The following GRIK4 variants were observed in gnomAD, a reference collection of about 807,000 sequenced individuals.
The protein encoded by GRIK4 is glutamate ionotropic receptor kainate type subunit 4, also known as glutamate receptor ionotropic, kainate 4.
Under a neutral mutation model 104.9 loss-of-function variants are expected in GRIK4, and 40 were observed. The observed-to-expected ratio is 0.38, with a 90% CI of 0.30 to 0.50. GRIK4 has a LOEUF of 0.50. Among genes scored for constraint, GRIK4 ranks in the 20% least tolerant of loss-of-function variants. GRIK4 has a pLI of 0.93. For synonymous variants in GRIK4, 485 were observed against 524.9 expected (o/e 0.92, Z 1.04); for missense variants, 1,047 against 1,308.1 (o/e 0.80, Z 3.08).
chr11:120,528,235 C>T (rs1947881282), intron 1 of GRIK4, among the ~76,000 whole-genome samples: 1 of 152,166 alleles, frequency 6.6e-6, no homozygotes. Context: ...CCTCAACCTC[C>T]CAAAGTGCTG....
intron 1 of GRIK4, among the ~76,000 whole-genome samples, chr11:120,593,996 A>G (rs1297737021): frequency 2.0e-5 from 3 of 152,136 alleles, no homozygotes; most frequent in African/African-American, 7.2e-5. Flanking sequence ...CCTTCAGTCC[A>G]GGCCACCACC....
Position 120,967,261 on chromosome 11 carries a change from T to C in GRIK4, c.2333T>C (p.Ile778Thr). Residue 778 changes from isoleucine (I) to threonine (T), a missense_variant, in exon 19 of 21, where the codon ATC (isoleucine) becomes ACC (threonine). This residue lies in a region of GRIK4 where 440 missense variants were observed against 652.3 expected (regional missense o/e 0.67). Transcript: ENST00000527524. This position sits in a 1 kb window ranked among gnomAD's most constrained non-coding sequence, Gnocchi z 4.2. ...LQLQENNRLE[I>T]LKRKWWEGGK... is the part of the protein sequence containing the mutation. Reference sequence around the variant, plus strand: ...CTGCAGGAGAACAACCGCCTGGAGATCCTGAAGCGCAAATGGTGGGAAGGA... The same window carrying C: ...CTGCAGGAGAACAACCGCCTGGAGACCCTGAAGCGCAAATGGTGGGAAGGA... 1 of 1,613,700 alleles carries C rather than the reference T, an allele frequency of 6.2e-7. No homozygotes were observed.
At chr11:120,753,248 G>A (rs1272953788) in intron 3 of GRIK4, among the ~76,000 whole-genome samples, 2 of 152,106 alleles carry the variant, frequency 1.3e-5, no homozygotes, top group South Asian at 2.1e-4. Context: ...AGGCTGGGGA[G>A]CAGAGGCCAA....
intron 8 of GRIK4, chr11:120,858,332 C>T (rs1412257115): frequency 6.6e-6 from 1 of 152,150 alleles, no homozygotes; most frequent in East Asian, 1.9e-4. Context: ...AAATATCTCT[C>T]TCCGCAAAAT....
intron 3 of GRIK4, among the ~76,000 whole-genome samples, chr11:120,693,589 A>G (rs1401083355): frequency 6.6e-6 from 1 of 152,228 alleles, no homozygotes; most frequent in Admixed American, 6.5e-5. Flanking sequence ...AGTCCTGGGT[A>G]TAGAGAGGTA....
intron 3 of GRIK4, among the ~76,000 whole-genome samples, chr11:120,699,581 GTA>G (rs1242334463): frequency 1.6e-5 from 2 of 124,822 alleles, no homozygotes; most frequent in Non-Finnish European, 3.4e-5. Flanking sequence ...GTGTGTGTGT[GTA>G]CCCATATAGT....
chr11:120,954,312 A>G (rs1944082061), intron 15 of GRIK4, among the ~76,000 whole-genome samples: 1 of 152,028 alleles, frequency 6.6e-6, no homozygotes, highest in Admixed American at 6.6e-5. Context: ...CAAACGTGGC[A>G]GAGTTTGCTG....
At chr11:120,618,473 A>G (rs769273237) in intron 1 of GRIK4, among the ~76,000 whole-genome samples, 3 of 152,246 alleles carry the variant, frequency 2.0e-5, no homozygotes, top group Admixed American at 6.5e-5. Context: ...CAGGCTGTAC[A>G]AATTTGCATA....
chr11:120,719,842 CACTTCT>C, intron 3 of GRIK4, among the ~76,000 whole-genome samples: 1 of 152,162 alleles, frequency 6.6e-6, no homozygotes, highest in Non-Finnish European at 1.5e-5. Flanking sequence ...TTTGCTAAGG[CACTTCT>C]ACCGCAGAGC....
intron 8 of GRIK4, among the ~76,000 whole-genome samples, chr11:120,845,592 CA>C (rs1364821161): frequency 6.6e-6 from 1 of 151,878 alleles, no homozygotes; most frequent in Non-Finnish European, 1.5e-5. Context: ...TTCAGTTCTT[CA>C]CGGAAAATGC....
intron 4 of GRIK4, among the ~76,000 whole-genome samples, chr11:120,806,612 G>C (rs1045750311): frequency 2.0e-5 from 3 of 152,242 alleles, no homozygotes; most frequent in African/African-American, 7.2e-5. Context: ...CAGAGGCTCT[G>C]ATTGAAGCTG....
intron 3 of GRIK4, among the ~76,000 whole-genome samples, chr11:120,709,851 C>G (rs111909157): frequency 6.6e-6 from 1 of 152,038 alleles, no homozygotes; most frequent in African/African-American, 2.4e-5. Flanking sequence ...ATAAAATGGC[C>G]GGGATGCTCT....
intron 2 of GRIK4, among the ~76,000 whole-genome samples, chr11:120,655,376 C>T (rs1214235280): frequency 6.6e-6 from 1 of 151,996 alleles, no homozygotes; most frequent in Non-Finnish European, 1.5e-5. Context: ...TTTGGCTCTG[C>T]TGGGGCATCA....
At chr11:120,613,399 A>G (rs895583462) in intron 1 of GRIK4, among the ~76,000 whole-genome samples, 27 of 152,306 alleles carry the variant, frequency 1.8e-4, no homozygotes, top group African/African-American at 6.3e-4. Context: ...CTGCTTAATT[A>G]GCTGATGTTG....
At chr11:120,934,420 G>A (rs934876848) in intron 13 of GRIK4, among the ~76,000 whole-genome samples, 2 of 152,080 alleles carry the variant, frequency 1.3e-5, no homozygotes, top group African/African-American at 4.8e-5. Flanking sequence ...GTGGGAGCAG[G>A]GGGCCCAGGC....
At chr11:120,895,751 CAG>C (rs1942561914) in intron 11 of GRIK4, among the ~76,000 whole-genome samples, 1 of 152,224 alleles carries the variant, frequency 6.6e-6, no homozygotes, top group Non-Finnish European at 1.5e-5. Context: ...ATAACTAAAA[CAG>C]AAACACATGT....
At chr11:120,942,789 T>C (rs543333409) in intron 14 of GRIK4, among the ~76,000 whole-genome samples, 4 of 152,316 alleles carry the variant, frequency 2.6e-5, no homozygotes, top group South Asian at 2.1e-4. Context: ...TTATGTTGCT[T>C]AGATGCTTGG....
chr11:120,890,017 T>G (rs1377768398), intron 11 of GRIK4, among the ~76,000 whole-genome samples: 1 of 152,080 alleles, frequency 6.6e-6, no homozygotes, highest in Admixed American at 6.5e-5. Context: ...GGTAGCAAAA[T>G]CAACTTCCCA....
intron 1 of GRIK4, among the ~76,000 whole-genome samples, chr11:120,645,511 A>C (rs1431656307): frequency 6.6e-6 from 1 of 151,972 alleles, no homozygotes; most frequent in Non-Finnish European, 1.5e-5. Flanking sequence ...ACTCCTGATC[A>C]CTCATGTCGG....
Sources: allele counts gnomAD v4.1 joint callset (sites outside exome capture counted in the v4.1 genomes callset), GRCh38; gene constraint gnomAD v4.1.1; regional missense constraint gnomAD v4.1.1; non-coding constraint Gnocchi (gnomAD v3.1); transcripts MANE v1.5; gene names NCBI Gene and HGNC (gene_info 2026-07-23, HGNC 2026-07-21).